SLC25A43: variants seen among roughly 807,000 people sequenced by gnomAD.
SLC25A43 encodes solute carrier family 25, member 43.
A neutral mutation model predicts 22.8 loss-of-function variants in SLC25A43; 10 were observed. The observed-to-expected ratio is 0.44, with a 90% CI of 0.27 to 0.74. The LOEUF (loss-of-function observed/expected upper bound fraction) is 0.74. Ranked by LOEUF, SLC25A43 falls within the 30% of genes least tolerant of loss-of-function variation. The probability of loss-of-function intolerance (pLI) is 0.17; values close to 1 mark genes in which losing one functional copy is unlikely to be tolerated. For synonymous variants in SLC25A43, 106 were observed against 121.6 expected, an observed-to-expected ratio of 0.87 and a Z score of 0.84; for missense variants, 233 against 279.1, an observed-to-expected ratio of 0.83 and a Z score of 1.18.
chrX:119,413,853 T>C (rs2052374104), intron 3 of SLC25A43, among the ~76,000 whole-genome samples: 1 of 112,186 alleles, frequency 8.9e-6, no homozygotes, highest in African/African-American at 3.2e-5. Flanking sequence ...TTTTAATATT[T>C]AGGCTTTTTC....
chrX:119,399,440 G>T lies in SLC25A43; in HGVS notation c.37G>T (p.Gly13Cys). 5 of 1,026,214 alleles carry T rather than the reference G, an allele frequency of 4.9e-6. No individual in the cohort carries two copies. Among genetic ancestry groups the T allele is most frequent in the Non-Finnish European group, 6.2e-6 (5 of 806,815 alleles). The allele number at this position is 1,026,214 out of a possible 1,213,427, so 84.6% of individuals were successfully genotyped here. A position where few individuals can be genotyped will look rare whatever the true frequency, so the allele number is the denominator to read the frequency against. The change falls in exon 1 of 5, where the codon GGC becomes TGC. Residue 13 changes from glycine to cysteine, a missense_variant. Coordinates refer to ENST00000217909, the MANE Select transcript of SLC25A43 (RefSeq NM_145305.3). ...GAGGCGGGACGGCCGACTGACAGGC[G>T]GCCAAAGGCTGCTGTGCGCTGGGCT... Reference protein sequence around the residue: ...TWRRDGRLTGGQRLLCAGLAG... With the variant: ...TWRRDGRLTGCQRLLCAGLAG...
chrX:119,401,209 G>C (rs1263415499), intron 1 of SLC25A43, among the ~76,000 whole-genome samples: 1 of 111,153 alleles, frequency 9.0e-6, no homozygotes. Flanking sequence ...CTGGCCTTCT[G>C]ACTCCAAATC....
chrX:119,452,178 C>A, intron 4 of SLC25A43, 35 bp downstream of exon 4: 1 of 1,165,572 alleles, frequency 8.6e-7, no homozygotes, highest in South Asian at 2.0e-5. Flanking sequence ...TGCTCCCCTG[C>A]CTCTTCCAAT....
intron 3 of SLC25A43, among the ~76,000 whole-genome samples, 180 bp downstream of exon 3, chrX:119,410,542 G>A (rs1210474115): frequency 7.1e-5 from 8 of 111,930 alleles, no homozygotes; most frequent in Non-Finnish European, 1.5e-4. Context: ...CAGAGCTGTT[G>A]GCTTGAGCCC....
chrX:119,445,361 G>C (rs905150556), intron 3 of SLC25A43, among the ~76,000 whole-genome samples: 2 of 112,261 alleles, frequency 1.8e-5, no homozygotes, highest in Non-Finnish European at 3.8e-5. Context: ...GGAATTAGTT[G>C]CCTTTTACTA....
intron 3 of SLC25A43, among the ~76,000 whole-genome samples, chrX:119,431,983 A>G (rs2052557141): frequency 9.1e-6 from 1 of 109,651 alleles, no homozygotes; most frequent in Non-Finnish European, 1.9e-5. Flanking sequence ...GTGAAATCCC[A>G]TCTCTACTAA....
In SLC25A43 at chrX:119,453,251, T is replaced by C. The variant is rs2052719080; in HGVS notation, c.*186T>C. On this transcript the variant is annotated 3_prime_UTR_variant, in exon 5 of 5. Coordinates refer to ENST00000217909, the MANE Select transcript of SLC25A43 (RefSeq NM_145305.3). ...GATGTCCCTGTGAACACCTGCACTA[T>C]GAGAAGGTTTCCCAACAAGAGTGTA... is the stretch of plus-strand genomic sequence containing the variant. The C allele has an allele frequency of 1.1e-5, 5 of 438,388 alleles. No individual in the cohort carries two copies. Among genetic ancestry groups the C allele is most frequent in the South Asian group, 3.6e-5 (1 of 27,797 alleles). The allele number at this position is 438,388 out of a possible 1,213,427, so 36.1% of individuals were successfully genotyped here. A position where few individuals can be genotyped will look rare whatever the true frequency, so the allele number is the denominator to read the frequency against.
chrX:119,410,882 A>G (rs1372110504), intron 3 of SLC25A43, among the ~76,000 whole-genome samples: 2 of 109,888 alleles, frequency 1.8e-5, no homozygotes, highest in East Asian at 2.9e-4. Flanking sequence ...CAGAAAGACT[A>G]TGTCTCAAAA....
intron 3 of SLC25A43, among the ~76,000 whole-genome samples, chrX:119,424,966 G>A (rs2052490303): frequency 1.8e-5 from 2 of 112,127 alleles, no homozygotes; most frequent in South Asian, 7.4e-4. Context: ...CACCCTAGGA[G>A]TCAGGATTTC....
chrX:119,427,632 A>G (rs2052519364), intron 3 of SLC25A43, among the ~76,000 whole-genome samples: 1 of 111,435 alleles, frequency 9.0e-6, no homozygotes, highest in Non-Finnish European at 1.9e-5. Context: ...TGATTATTGG[A>G]TATTTGCCAA....
At position 119,406,613 on chromosome X, in the gene SLC25A43, G is replaced by A. The variant is rs746863676; in HGVS notation, c.429G>A (p.Ser143=). 14 of 1,211,683 alleles carry A rather than the reference G, an allele frequency of 1.2e-5. No homozygotes were observed. Among genetic ancestry groups the A allele is most frequent in the East Asian group, 8.9e-5 (3 of 33,851 alleles). The change falls in exon 2 of 5, where the codon TCG becomes TCA. Residue 143 remains serine (S), a synonymous_variant. Coordinates refer to ENST00000217909, the MANE Select transcript of SLC25A43 (RefSeq NM_145305.3). The part of the protein sequence containing the change: ...RLIMQNILEP[S]YRGLLHAFST... ...TCATGCAGAACATACTGGAACCATC[G>A]TACAGGGGGCTCCTCCATGCTTTTT...
intron 3 of SLC25A43, among the ~76,000 whole-genome samples, chrX:119,443,444 CTCTCTTTT>C (rs1405685267): frequency 8.5e-5 from 5 of 58,500 alleles, no homozygotes; most frequent in African/African-American, 2.7e-4. Flanking sequence ...CTCTCTCTCT[CTCTCTTTT>C]TTTTTTTTTT....
intron 3 of SLC25A43, among the ~76,000 whole-genome samples, chrX:119,451,420 A>G (rs926079020): frequency 6.3e-5 from 7 of 111,925 alleles, no homozygotes; most frequent in African/African-American, 2.3e-4. Flanking sequence ...ACAGTCTTCA[A>G]TGAACGTGGA....
chrX:119,416,937 T>C (rs894112410), intron 3 of SLC25A43, among the ~76,000 whole-genome samples: 3 of 112,255 alleles, frequency 2.7e-5, no homozygotes, highest in Non-Finnish European at 3.8e-5. Context: ...TATGATATAC[T>C]GTAAGTGTTT....
chrX:119,415,927 G>A (rs1489399989), intron 3 of SLC25A43, among the ~76,000 whole-genome samples: 1 of 103,700 alleles, frequency 9.6e-6, no homozygotes, highest in Non-Finnish European at 2.0e-5. Context: ...AGGATCACTT[G>A]AGCCCTGGAG....
chrX:119,421,917 C>A (rs925251699), intron 3 of SLC25A43, among the ~76,000 whole-genome samples: 3 of 111,373 alleles, frequency 2.7e-5, no homozygotes, highest in Admixed American at 9.6e-5. Flanking sequence ...ATACCACCCA[C>A]CCCCTTTTTA....
At chrX:119,431,500 G>A (rs1409377009) in intron 3 of SLC25A43, among the ~76,000 whole-genome samples, 1 of 89,333 alleles carries the variant, frequency 1.1e-5, no homozygotes, top group Non-Finnish European at 2.1e-5. Flanking sequence ...AAGACAGTGA[G>A]ACTGTGTCTC....
intron 3 of SLC25A43, chrX:119,423,672 G>A (rs1205186259): frequency 9.0e-6 from 1 of 111,481 alleles, no homozygotes; most frequent in African/African-American, 3.3e-5. Context: ...GGATAAGGAT[G>A]GGGGCAAACT....
intron 1 of SLC25A43, among the ~76,000 whole-genome samples, chrX:119,404,776 G>A (rs1427791424): frequency 1.8e-5 from 2 of 110,553 alleles, no homozygotes; most frequent in African/African-American, 6.6e-5. Flanking sequence ...AAGAATTGTC[G>A]GGCCACACAT....
Sources: gnomAD v4.1 joint callset for allele counts (sites outside exome capture counted in the v4.1 genomes callset) on GRCh38, gnomAD v4.1.1 for gene constraint, MANE v1.5 for transcripts, NCBI Gene and HGNC (gene_info 2026-07-23, HGNC 2026-07-21) for gene names.